The following PTPRN2 variants were observed in gnomAD, a reference collection of about 807,000 sequenced individuals.
PTPRN2 encodes the protein protein tyrosine phosphatase receptor type N2.
PTPRN2 carries 74 observed loss-of-function variants against 118.8 expected under a neutral mutation model. That is an observed-to-expected ratio of 0.62 (90% CI 0.52 to 0.76). The LOEUF is 0.76. Among genes scored for constraint, PTPRN2 ranks in the 30% least tolerant of loss-of-function variants. The pLI is 0.00. For synonymous variants in PTPRN2, 641 were observed against 608.0 expected (o/e 1.05, Z -0.80); for missense variants, 1,481 against 1,394.4 (o/e 1.06, Z -0.99).
chr7:158,475,009 C>A (rs533826447), intron 2 of PTPRN2, among the ~76,000 whole-genome samples: 1 of 152,290 alleles, frequency 6.6e-6, no homozygotes, highest in African/African-American at 2.4e-5. Context: ...TGGTGGTCCT[C>A]GTTCAGCTCC....
At chr7:158,123,718 A>G (rs1247798229) in intron 9 of PTPRN2, among the ~76,000 whole-genome samples, 1 of 152,196 alleles carries the variant, frequency 6.6e-6, no homozygotes, top group Non-Finnish European at 1.5e-5. Context: ...GCTCACTATA[A>G]ACACTTTTTA....
At chr7:158,203,420 A>C (rs1826819797) in intron 4 of PTPRN2, among the ~76,000 whole-genome samples, 1 of 152,190 alleles carries the variant, frequency 6.6e-6, no homozygotes, top group Non-Finnish European at 1.5e-5. Context: ...TTAAATAATA[A>C]AAACTGGCAA....
At position 157,601,543 on chromosome 7, in the gene PTPRN2, C is replaced by T. The variant is rs571933386; in HGVS notation, c.2418+2459G>A. ...CTGGCCTTGCCTTCTCACCCAAGCT[C>T]CTGCCCAGTAAGGCCTGGAGAGGGA... On this transcript the variant is annotated intron_variant, in intron 16 of 22. Transcript: ENST00000389418. Among the ~76,000 whole-genome samples, 7 of 152,374 alleles carry T rather than the reference C, an allele frequency of 4.6e-5. No homozygotes were observed. The East Asian group carries it at 1.3e-3, about 29-fold the overall frequency.
chr7:158,124,647 C>T (rs1050248130), intron 9 of PTPRN2, among the ~76,000 whole-genome samples: 4 of 152,180 alleles, frequency 2.6e-5, no homozygotes, highest in Non-Finnish European at 4.4e-5. Context: ...GGGGAGAAGA[C>T]GTGAACAGGA....
intron 2 of PTPRN2, among the ~76,000 whole-genome samples, chr7:158,376,799 G>A (rs567629006): frequency 9.1e-6 from 1 of 109,958 alleles, no homozygotes; most frequent in Non-Finnish European, 1.8e-5. Context: ...TGAGAGGGGG[G>A]TCAGGGGACT....
At chr7:158,224,342 T>G (rs1299309321) in intron 3 of PTPRN2, among the ~76,000 whole-genome samples, 1 of 152,182 alleles carries the variant, frequency 6.6e-6, no homozygotes, top group Non-Finnish European at 1.5e-5. Flanking sequence ...ATATATAATT[T>G]CAAGTCTTAT....
intron 11 of PTPRN2, among the ~76,000 whole-genome samples, chr7:158,078,082 C>T (rs151072517): frequency 2.1e-4 from 32 of 152,294 alleles, no homozygotes; most frequent in East Asian, 5.8e-4. Context: ...AAAGAGGAGA[C>T]GCTGAGTAAT....
Position 158,015,814 on chromosome 7 carries a change from A to G in PTPRN2, c.1723+65484T>C, listed in dbSNP as rs1254937759. Among the ~76,000 whole-genome samples, 1 of 152,202 alleles carries G rather than the reference A, an allele frequency of 6.6e-6. No individual in the cohort carries two copies. The highest frequency in any genetic ancestry group is 2.4e-5 in the African/African-American group (1 of 41,450). ...AACACTAAGGGAAACACATCCATTC[A>G]CTACAGCCTAGTAATTAAGACAAAA... On this transcript the variant is annotated intron_variant, in intron 11 of 22. Coordinates refer to ENST00000389418, the MANE Select transcript of PTPRN2 (RefSeq NM_002847.5). The surrounding 1 kb of genome is among the most constrained non-coding windows in gnomAD (Gnocchi z 4.2).
intron 11 of PTPRN2, among the ~76,000 whole-genome samples, chr7:157,930,990 C>T (rs906873637): frequency 1.3e-5 from 2 of 152,166 alleles, no homozygotes; most frequent in African/African-American, 2.4e-5. Flanking sequence ...CCCTGTCTCA[C>T]CTCCAGTGCA....
At chr7:158,143,355 G>A (rs914280781) in intron 6 of PTPRN2, among the ~76,000 whole-genome samples, 12 of 152,298 alleles carry the variant, frequency 7.9e-5, no homozygotes, top group Admixed American at 2.6e-4. Flanking sequence ...GGCAGGAACC[G>A]GCACAGCTGC....
chr7:157,793,011 A>C (rs1354572289), intron 12 of PTPRN2, among the ~76,000 whole-genome samples: 1 of 152,164 alleles, frequency 6.6e-6, no homozygotes, highest in African/African-American at 2.4e-5. Flanking sequence ...AGCTTAAATA[A>C]ATGAGATAAA....
rs984797332 is a variant in PTPRN2 at position 157,794,264 on chromosome 7, G to A, written c.1788+104409C>T. On this transcript the variant is annotated intron_variant, in intron 12 of 22. Transcript: ENST00000389418. The surrounding 1 kb of genome is among the most constrained non-coding windows in gnomAD (Gnocchi z 5.2). ...CCGACCCGGGCTCACACCTCCCCTC[G>A]TTCTCTGCTCCGACCCGGGCTCACA... Among the ~76,000 whole-genome samples the A allele has an allele frequency of 3.4e-5, 5 of 146,832 alleles. No homozygotes were observed. The highest frequency in any genetic ancestry group is 2.0e-4 in the East Asian group (1 of 4,952).
intron 3 of PTPRN2, among the ~76,000 whole-genome samples, chr7:158,273,942 A>G (rs1386558191): frequency 2.1e-5 from 3 of 141,460 alleles, no homozygotes; most frequent in Non-Finnish European, 3.0e-5. Context: ...GGAGCCGCAG[A>G]CACAGGGGGA....
intron 6 of PTPRN2, among the ~76,000 whole-genome samples, chr7:158,164,276 A>G (rs987528673): frequency 7.9e-4 from 114 of 143,948 alleles, no homozygotes; most frequent in African/African-American, 3.1e-3. Context: ...ACGCAGAGCA[A>G]GAGCGCGTGC....
At chr7:157,626,760 G>C (rs909420658) in intron 14 of PTPRN2, among the ~76,000 whole-genome samples, 15 of 152,198 alleles carry the variant, frequency 9.9e-5, no homozygotes, top group African/African-American at 3.6e-4. Flanking sequence ...ATCTCTACAA[G>C]TGATTTATAT....
intron 6 of PTPRN2, among the ~76,000 whole-genome samples, chr7:158,142,586 T>A (rs1233078800): frequency 2.0e-5 from 3 of 152,206 alleles, no homozygotes; most frequent in Non-Finnish European, 4.4e-5. Flanking sequence ...TCATTAGCCT[T>A]GAGCCTTGGA....
chr7:157,987,264 T>C lies in PTPRN2; in HGVS notation c.1724-88527A>G, dbSNP rs1229373094. Among the ~76,000 whole-genome samples the C allele has an allele frequency of 6.6e-6, 1 of 150,726 alleles. No homozygotes were observed. The highest frequency in any genetic ancestry group is 2.4e-5 in the African/African-American group (1 of 40,864). ...CTTAAGGTAAGGTGCTGTGTGGAGCTTACTGGAACCTAAACGGGGGCAAGA... is the reference window on the plus strand; with the variant it reads ...CTTAAGGTAAGGTGCTGTGTGGAGCCTACTGGAACCTAAACGGGGGCAAGA... On this transcript the variant is annotated intron_variant, in intron 11 of 22. Transcript: ENST00000389418. This position sits in a 1 kb window ranked among gnomAD's most constrained non-coding sequence, Gnocchi z 4.3.
chr7:158,121,419 C>T (rs554036170), intron 9 of PTPRN2, among the ~76,000 whole-genome samples: 2 of 152,314 alleles, frequency 1.3e-5, no homozygotes, highest in African/African-American at 4.8e-5. Flanking sequence ...ATCCTGCCTC[C>T]CCCTACAAAC....
chr7:157,555,492 C>A (rs1283341495), intron 21 of PTPRN2, among the ~76,000 whole-genome samples: 1 of 152,154 alleles, frequency 6.6e-6, no homozygotes, highest in Non-Finnish European at 1.5e-5. Context: ...AGCTCATGGC[C>A]CTAGACCACA....
Sources: gnomAD v4.1 joint callset for allele counts (sites outside exome capture counted in the v4.1 genomes callset) on GRCh38, gnomAD v4.1.1 for gene constraint, Gnocchi (gnomAD v3.1) non-coding constraint, MANE v1.5 for transcripts, NCBI Gene and HGNC (gene_info 2026-07-23, HGNC 2026-07-21) for gene names.